RAB5A: variants seen among roughly 807,000 people sequenced by gnomAD.
The protein encoded by RAB5A is ras-related protein Rab-5A.
In RAB5A, 8 loss-of-function variants were observed where a neutral mutation model predicts 25.7. The ratio of observed to expected loss-of-function variants is 0.31; its 90% CI spans 0.18 to 0.56. The LOEUF (loss-of-function observed/expected upper bound fraction) is 0.56. Ranked by LOEUF, RAB5A falls within the 20% of genes least tolerant of loss-of-function variation. The pLI is 0.91. For synonymous variants in RAB5A, 98 were observed against 89.8 expected (o/e 1.09, Z -0.52); for missense variants, 192 against 259.7 (o/e 0.74, Z 1.79).
chr3:19,961,722 A>G (rs1052753933), intron 2 of RAB5A, among the ~76,000 whole-genome samples: 6 of 152,188 alleles, frequency 3.9e-5, no homozygotes, highest in Admixed American at 1.3e-4. Context: ...CTCATCTTCT[A>G]TCTAGCCCAC....
chr3:19,966,612 A>C (rs576287947), intron 2 of RAB5A, among the ~76,000 whole-genome samples: 1 of 152,208 alleles, frequency 6.6e-6, no homozygotes, highest in Non-Finnish European at 1.5e-5. Flanking sequence ...AGAAATCTCT[A>C]TACAGTTTTC....
chr3:19,947,585 A>G (rs1042864706), intron 1 of RAB5A, 64 bp downstream of exon 1: 1 of 152,248 alleles, frequency 6.6e-6, no homozygotes, highest in Non-Finnish European at 1.5e-5. Context: ...CGCGGTCCCC[A>G]GCCTGTCCGC....
At chr3:19,956,897 C>T (rs965044723) in intron 2 of RAB5A, among the ~76,000 whole-genome samples, 4 of 149,558 alleles carry the variant, frequency 2.7e-5, no homozygotes, top group African/African-American at 9.8e-5. Flanking sequence ...TAGTGCATAG[C>T]GTTTGATTTA....
intron 1 of RAB5A, among the ~76,000 whole-genome samples, chr3:19,949,315 G>A (rs1044247312): frequency 3.3e-5 from 5 of 152,156 alleles, no homozygotes; most frequent in Non-Finnish European, 5.9e-5. Context: ...CTAAGATCTC[G>A]TGGACATGTT....
intron 2 of RAB5A, among the ~76,000 whole-genome samples, chr3:19,955,845 C>CGA (rs1443980687): frequency 1.3e-5 from 2 of 151,934 alleles, no homozygotes; most frequent in Non-Finnish European, 2.9e-5. Context: ...TGCAATGAGC[C>CGA]GAGATCATGC....
intron 2 of RAB5A, among the ~76,000 whole-genome samples, chr3:19,972,963 G>GA: frequency 6.6e-6 from 1 of 152,044 alleles, no homozygotes; most frequent in Non-Finnish European, 1.5e-5. Flanking sequence ...TATTAAGGGG[G>GA]AAAAAATTAA....
chr3:19,970,547 G>GT, intron 2 of RAB5A: 1 of 456,682 alleles, frequency 2.2e-6, no homozygotes, highest in Non-Finnish European at 4.4e-6. Context: ...CGCGTACACA[G>GT]TAACTCTCGA....
intron 2 of RAB5A, among the ~76,000 whole-genome samples, chr3:19,960,094 G>A (rs1357093719): frequency 2.6e-5 from 4 of 152,090 alleles, no homozygotes; most frequent in Admixed American, 1.3e-4. Context: ...ATAGAAACAT[G>A]GGAAATTTTG....
rs565787556 is a variant in RAB5A, at chr3:19,984,163, A to G, written c.*340A>G. On this transcript the variant is annotated 3_prime_UTR_variant, in exon 6 of 6. Transcript: ENST00000273047. ...GCCCATTTCTCCACACTGGTACAGT[A>G]GTCACCTGTGAAAAAAAAATTGGAA... The G allele has an allele frequency of 2.6e-5, 9 of 352,076 alleles. No homozygotes were observed. In the East Asian group the frequency reaches 5.7e-4, roughly 22 times the overall value. 21.8% of individuals were successfully genotyped at this position (352,076 alleles called of 1,614,324 possible). A position where few individuals can be genotyped will look rare whatever the true frequency, so the allele number is the denominator to read the frequency against.
chr3:19,948,295 A>G (rs149913535), intron 1 of RAB5A, among the ~76,000 whole-genome samples: 14 of 152,350 alleles, frequency 9.2e-5, no homozygotes, highest in Admixed American at 2.0e-4. Context: ...AAAGCGTTCA[A>G]TCAGTTGCCT....
At chr3:19,955,420 T>A (rs889562264) in intron 2 of RAB5A, among the ~76,000 whole-genome samples, 1 of 152,226 alleles carries the variant, frequency 6.6e-6, no homozygotes, top group African/African-American at 2.4e-5. Context: ...AAATGTAGAA[T>A]CCCGTGTTGA....
At chr3:19,981,600 C>T (rs953486229) in intron 5 of RAB5A, among the ~76,000 whole-genome samples, 4 of 146,924 alleles carry the variant, frequency 2.7e-5, no homozygotes, top group South Asian at 2.2e-4. Context: ...GGTGACAGAG[C>T]GAGACTCCGC....
intron 2 of RAB5A, among the ~76,000 whole-genome samples, chr3:19,957,048 C>G (rs1696514331): frequency 6.7e-6 from 1 of 148,756 alleles, no homozygotes; most frequent in Non-Finnish European, 1.5e-5. Context: ...AAGTGGTCCT[C>G]CCAGGTAGCT....
intron 2 of RAB5A, among the ~76,000 whole-genome samples, chr3:19,962,458 C>T (rs548975272): frequency 7.5e-4 from 53 of 70,472 alleles, no homozygotes; most frequent in African/African-American, 3.0e-3. Flanking sequence ...GTCCCAGTTA[C>T]TCGGGAAGGC....
intron 2 of RAB5A, among the ~76,000 whole-genome samples, chr3:19,957,065 G>C (rs1266849550): frequency 1.3e-5 from 2 of 151,126 alleles, no homozygotes; most frequent in African/African-American, 4.9e-5. Flanking sequence ...AGCTGGGACT[G>C]ACTATAGGCA....
chr3:19,971,884 T>C (rs1042768265), intron 2 of RAB5A, among the ~76,000 whole-genome samples: 8 of 152,186 alleles, frequency 5.3e-5, no homozygotes, highest in Non-Finnish European at 7.3e-5. Flanking sequence ...GGGAGCTGCC[T>C]CTCTCTACAT....
chr3:19,967,230 C>CA (rs1696674197), intron 2 of RAB5A, among the ~76,000 whole-genome samples: 1 of 151,968 alleles, frequency 6.6e-6, no homozygotes, highest in South Asian at 2.1e-4. Flanking sequence ...CTGCAACCTC[C>CA]ATCTCCTGGG....
chr3:19,961,324 C>T (rs922917552), intron 2 of RAB5A, among the ~76,000 whole-genome samples: 1 of 152,134 alleles, frequency 6.6e-6, no homozygotes, highest in African/African-American at 2.4e-5. Context: ...GGATTAAAGA[C>T]ATCTTTCTGA....
intron 2 of RAB5A, among the ~76,000 whole-genome samples, chr3:19,963,983 C>T (rs1305245569): frequency 6.6e-6 from 1 of 152,036 alleles, no homozygotes; most frequent in Non-Finnish European, 1.5e-5. Flanking sequence ...AAGCTTACTG[C>T]CAAGCATGAA....
Sources: gnomAD v4.1 joint callset for allele counts (sites outside exome capture counted in the v4.1 genomes callset) on GRCh38, gnomAD v4.1.1 for gene constraint, MANE v1.5 for transcripts, NCBI Gene and HGNC (gene_info 2026-07-23, HGNC 2026-07-21) for gene names.